The following RNLS variants were observed in gnomAD, a reference collection of about 807,000 sequenced individuals.
RNLS encodes the protein renalase, FAD dependent amine oxidase.
RNLS carries 39 observed loss-of-function variants against 39.8 expected under a neutral mutation model. The observed-to-expected ratio is 0.98, with a 90% CI of 0.76 to 1.28. The LOEUF is 1.28. Among genes scored for constraint, RNLS ranks in the 50% most tolerant of loss-of-function variants. The probability of loss-of-function intolerance (pLI) is 0.00; values close to 1 mark genes in which losing one functional copy is unlikely to be tolerated. For synonymous variants in RNLS, 147 were observed against 150.7 expected (o/e 0.98, Z 0.18); for missense variants, 410 against 413.3 (o/e 0.99, Z 0.07).
downstream of RNLS, among the ~76,000 whole-genome samples, chr10:88,279,473 C>T (rs534751803): frequency 3.9e-5 from 6 of 152,008 alleles, no homozygotes; most frequent in East Asian, 3.9e-4. Context: ...CCCTGCGGCT[C>T]GAGACAGAGA....
intron 6 of RNLS, among the ~76,000 whole-genome samples, chr10:88,290,448 T>G (rs181918536): frequency 1.5e-3 from 228 of 152,310 alleles, no homozygotes; most frequent in Non-Finnish European, 2.6e-3. Context: ...ATCAAGTTTT[T>G]CCTGCTACAT....
At chr10:88,279,252 T>G (rs185639065), downstream of RNLS, among the ~76,000 whole-genome samples, 1 of 152,286 alleles carries the variant, frequency 6.6e-6, no homozygotes, top group Admixed American at 6.5e-5. Context: ...CCTAGCTAGA[T>G]CTAAAGCTAC....
chr10:88,174,160 AT>A, the RNLS span, among the ~76,000 whole-genome samples: 1 of 152,138 alleles, frequency 6.6e-6, no homozygotes, highest in Middle Eastern at 3.4e-3. Flanking sequence ...AGTCTTTAGA[AT>A]TTTTTTAATA....
At chr10:88,520,130 A>G (rs112820866) in intron 4 of RNLS, among the ~76,000 whole-genome samples, 1 of 152,114 alleles carries the variant, frequency 6.6e-6, no homozygotes, top group African/African-American at 2.4e-5. Context: ...TTTTTCACAC[A>G]AATACTGAAG....
chr10:88,365,131 T>C (rs1006342983), intron 4 of RNLS, among the ~76,000 whole-genome samples: 16 of 152,068 alleles, frequency 1.1e-4, no homozygotes, highest in African/African-American at 3.9e-4. Context: ...CAATTAACCT[T>C]ACACACCCTT....
the RNLS span, among the ~76,000 whole-genome samples, chr10:88,268,755 G>T: frequency 6.6e-6 from 1 of 152,206 alleles, no homozygotes; most frequent in South Asian, 2.1e-4. Context: ...ATGGCTACCA[G>T]CAGCTTTGGC....
the RNLS span, among the ~76,000 whole-genome samples, chr10:88,253,432 G>T: frequency 0.52 from 78,622 of 151,848 alleles, 22,778 homozygotes; most frequent in Middle Eastern, 0.63. Flanking sequence ...TTGCATCCAG[G>T]GGTGGCAACT....
At chr10:88,374,119 G>A (rs1418557109) in intron 4 of RNLS, among the ~76,000 whole-genome samples, 1 of 151,882 alleles carries the variant, frequency 6.6e-6, no homozygotes, top group East Asian at 1.9e-4. Flanking sequence ...TATTGTTGCA[G>A]GAAAAGAGTT....
chr10:88,183,785 G>A, the RNLS span, among the ~76,000 whole-genome samples: 5 of 152,066 alleles, frequency 3.3e-5, no homozygotes, highest in Non-Finnish European at 5.9e-5. Context: ...TCCATGTAAT[G>A]CCAGCTTGAC....
At chr10:88,578,970 T>C (rs2134485647) in intron 3 of RNLS, among the ~76,000 whole-genome samples, 1 of 152,306 alleles carries the variant, frequency 6.6e-6, no homozygotes, top group African/African-American at 2.4e-5. Context: ...TATGTATATA[T>C]GCATGTGTAG....
chr10:88,180,963 TG>T, the RNLS span, among the ~76,000 whole-genome samples: 1 of 152,240 alleles, frequency 6.6e-6, no homozygotes, highest in African/African-American at 2.4e-5. Context: ...GCATATTCCA[TG>T]CTTTATTTTA....
intron 4 of RNLS, among the ~76,000 whole-genome samples, chr10:88,482,125 A>T (rs1172027157): frequency 6.6e-6 from 1 of 151,946 alleles, no homozygotes; most frequent in African/African-American, 2.4e-5. Flanking sequence ...GTGTGTCGAG[A>T]TGTGGATGGT....
intron 4 of RNLS, among the ~76,000 whole-genome samples, chr10:88,507,336 T>C (rs1250257657): frequency 6.6e-6 from 1 of 152,040 alleles, no homozygotes; most frequent in Non-Finnish European, 1.5e-5. Context: ...AAAAAAGCTA[T>C]TGAAAAATAC....
chr10:88,326,259 T>TG, intron 5 of RNLS, among the ~76,000 whole-genome samples: 1 of 152,206 alleles, frequency 6.6e-6, no homozygotes, highest in Non-Finnish European at 1.5e-5. Flanking sequence ...CAGGAAGATG[T>TG]GGGGAAGTTT....
At chr10:88,329,693 A>G (rs946170134) in intron 5 of RNLS, among the ~76,000 whole-genome samples, 9 of 150,872 alleles carry the variant, frequency 6.0e-5, no homozygotes, top group Non-Finnish European at 1.3e-4. Context: ...AGTATTTTCT[A>G]TCTCTATCTC....
downstream of RNLS, among the ~76,000 whole-genome samples, chr10:88,281,015 G>C (rs1296071244): frequency 6.6e-6 from 1 of 152,158 alleles, no homozygotes; most frequent in East Asian, 1.9e-4. Context: ...AATAATTACT[G>C]TCTATTGAGA....
chr10:88,549,438 C>T (rs1476771971), intron 4 of RNLS, among the ~76,000 whole-genome samples: 1 of 151,340 alleles, frequency 6.6e-6, no homozygotes, highest in Non-Finnish European at 1.5e-5. Context: ...TGGTGGTATG[C>T]ACCTATAGTC....
At chr10:88,299,266 G>T (rs780725288) in intron 6 of RNLS, among the ~76,000 whole-genome samples, 12 of 152,046 alleles carry the variant, frequency 7.9e-5, no homozygotes, top group Non-Finnish European at 1.2e-4. Flanking sequence ...CACTGTTTTT[G>T]ATTTTAATTA....
At chr10:88,275,774 G>C (rs1449312109) in intron 6 of RNLS, among the ~76,000 whole-genome samples, 1 of 152,188 alleles carries the variant, frequency 6.6e-6, no homozygotes, top group Non-Finnish European at 1.5e-5. Flanking sequence ...AGACATGTAA[G>C]TTGGGCACAA....
Sources: allele counts gnomAD v4.1 joint callset (sites outside exome capture counted in the v4.1 genomes callset), GRCh38; gene constraint gnomAD v4.1.1; transcripts MANE v1.5; gene names NCBI Gene and HGNC (gene_info 2026-07-23, HGNC 2026-07-21).